Variants in TCP11L1 observed in about 807,000 individuals in gnomAD.
The protein encoded by TCP11L1 is T-complex protein 11-like protein 1.
A neutral mutation model predicts 48.9 loss-of-function variants in TCP11L1; 28 were observed. That is an observed-to-expected ratio of 0.57 (90% CI 0.42 to 0.78). TCP11L1 has a LOEUF of 0.78. Ranked by LOEUF, TCP11L1 falls within the 30% of genes least tolerant of loss-of-function variation. The pLI, the probability that TCP11L1 is intolerant of heterozygous loss-of-function variation, is 0.00. For synonymous variants in TCP11L1, 204 were observed against 231.9 expected, an observed-to-expected ratio of 0.88 and a Z score of 1.09; for missense variants, 505 against 613.4, an observed-to-expected ratio of 0.82 and a Z score of 1.87.
chr11:33,072,310 G>A (rs1854814794), intron 9 of TCP11L1, among the ~76,000 whole-genome samples, 164 bp from the exon 10 acceptor site: 1 of 152,166 alleles, frequency 6.6e-6, no homozygotes, highest in African/African-American at 2.4e-5. Flanking sequence ...CATTATAAAT[G>A]GGATGAATAT....
intron 2 of TCP11L1, among the ~76,000 whole-genome samples, chr11:33,051,393 T>C (rs7129800): frequency 0.41 from 62,568 of 151,820 alleles, 13,090 homozygotes; most frequent in African/African-American, 0.48. Context: ...GGTCTTGTTC[T>C]CCCGACCTTG....
chr11:33,051,776 A>G (rs974457538), intron 2 of TCP11L1, among the ~76,000 whole-genome samples: 23 of 152,108 alleles, frequency 1.5e-4, no homozygotes, highest in Admixed American at 2.0e-4. Flanking sequence ...CTATATATAT[A>G]TGTGTGTGTA....
chr11:33,040,770 TCTCCCCCTC>T (rs1853808115), intron 1 of TCP11L1: 5 of 61,016 alleles, frequency 8.2e-5, no homozygotes, highest in African/African-American at 2.8e-4. Context: ...TTTCACCTCC[TCTCCCCCTC>T]CTCTCCCCCT....
chr11:33,071,624 C>A (rs1045272398), intron 9 of TCP11L1, among the ~76,000 whole-genome samples: 1 of 152,148 alleles, frequency 6.6e-6, no homozygotes, highest in East Asian at 1.9e-4. Flanking sequence ...TTTACAAATG[C>A]CCATGACTTC....
intron 9 of TCP11L1, among the ~76,000 whole-genome samples, chr11:33,070,831 G>A (rs552926142): frequency 1.4e-4 from 22 of 151,826 alleles, no homozygotes; most frequent in Middle Eastern, 6.8e-3. Flanking sequence ...GTGAAACCCC[G>A]TCTCTACAAA....
At position 33,054,245 on chromosome 11, in the gene TCP11L1, G is replaced by T. The variant is rs112201152; in HGVS notation, c.164-348G>T. The stretch of plus-strand genomic sequence containing the variant: ...TTCTTTTTTTTTTTTTTCTTTTAGG[G>T]TAGACAGGAGGCAGAAAGACTAGAA... On this transcript the variant is annotated intron_variant, in intron 2 of 9. Transcript: ENST00000334274. 9.9e-4 allele frequency among the ~76,000 whole-genome samples: 149 copies of T among 151,196 alleles called. 3 individuals are homozygous for T. In the Middle Eastern group the frequency reaches 0.027, roughly 28 times the overall value.
intron 2 of TCP11L1, among the ~76,000 whole-genome samples, chr11:33,048,004 C>A (rs1766228081): frequency 6.6e-6 from 1 of 152,154 alleles, no homozygotes; most frequent in Non-Finnish European, 1.5e-5. Flanking sequence ...ATTAGAACTT[C>A]ATTTTATTTT....
chr11:33,052,481 T>C (rs1854189715), intron 2 of TCP11L1, among the ~76,000 whole-genome samples: 1 of 143,738 alleles, frequency 7.0e-6, no homozygotes, highest in African/African-American at 2.5e-5. Context: ...TTTTTTTTTT[T>C]CTTTTTTTTG....
At chr11:33,045,602 A>G (rs2145295) in intron 2 of TCP11L1, among the ~76,000 whole-genome samples, 62,728 of 152,058 alleles carry the variant, frequency 0.41, 13,172 homozygotes, top group African/African-American at 0.48. Context: ...TAGCTTTACA[A>G]CCTATAGTTT....
chr11:33,071,014 AAAAG>A (rs1409962415), intron 9 of TCP11L1, among the ~76,000 whole-genome samples: 1 of 151,516 alleles, frequency 6.6e-6, no homozygotes, highest in Non-Finnish European at 1.5e-5. Context: ...AAAGAAAAAA[AAAAG>A]AAGAAGGGTG....
At chr11:33,052,487 T>C (rs1354309982) in intron 2 of TCP11L1, among the ~76,000 whole-genome samples, 1 of 152,148 alleles carries the variant, frequency 6.6e-6, no homozygotes, top group East Asian at 1.9e-4. Context: ...TTTTTCTTTT[T>C]TTTGGTGCGC....
intron 1 of TCP11L1, among the ~76,000 whole-genome samples, chr11:33,043,102 G>A (rs1801695661): frequency 6.6e-6 from 1 of 152,166 alleles, no homozygotes; most frequent in African/African-American, 2.4e-5. Flanking sequence ...GGGCGTGGTG[G>A]CACCCACCTG....
chr11:33,046,204 G>A (rs1363388764), intron 2 of TCP11L1, among the ~76,000 whole-genome samples: 1 of 152,276 alleles, frequency 6.6e-6, no homozygotes, highest in African/African-American at 2.4e-5. Context: ...CCCTGGACAT[G>A]TTCCAAGACT....
chr11:33,040,159 C>T (rs1165469418), intron 1 of TCP11L1: 4 of 151,854 alleles, frequency 2.6e-5, no homozygotes, highest in East Asian at 3.9e-4. Flanking sequence ...CTCTTGTGTC[C>T]AGCCTAGGCC....
intron 2 of TCP11L1, among the ~76,000 whole-genome samples, chr11:33,048,184 A>T (rs1156749490): frequency 2.7e-5 from 4 of 148,210 alleles, no homozygotes; most frequent in African/African-American, 5.0e-5. Context: ...GTATCTTTAC[A>T]TTTTTTTTTT....
intron 2 of TCP11L1, among the ~76,000 whole-genome samples, chr11:33,051,186 G>T (rs1397253582): frequency 1.3e-5 from 2 of 151,726 alleles, no homozygotes; most frequent in Admixed American, 6.6e-5. Context: ...AATTTTTTTT[G>T]AGACGGAGTC....
chr11:33,054,822 T>A, intron 3 of TCP11L1, 97 bp downstream of exon 3: 1 of 1,366,780 alleles, frequency 7.3e-7, no homozygotes, highest in African/African-American at 1.5e-5. Flanking sequence ...TTCAAACGTA[T>A]TTTTCCTTTT....
chr11:33,051,008 G>A (rs766544749), intron 2 of TCP11L1, among the ~76,000 whole-genome samples: 5 of 151,648 alleles, frequency 3.3e-5, no homozygotes, highest in Non-Finnish European at 5.9e-5. Flanking sequence ...ATGGGGTTTC[G>A]CCATGTTGCC....
intron 7 of TCP11L1, among the ~76,000 whole-genome samples, chr11:33,065,555 G>T (rs1244980263): frequency 6.6e-6 from 1 of 152,178 alleles, no homozygotes; most frequent in African/African-American, 2.4e-5. Context: ...GAGCCACCGC[G>T]GCCAGCCGGG....
Sources: allele counts gnomAD v4.1 joint callset (sites outside exome capture counted in the v4.1 genomes callset), GRCh38; gene constraint gnomAD v4.1.1; transcripts MANE v1.5; gene names NCBI Gene and HGNC (gene_info 2026-07-23, HGNC 2026-07-21).